Variants in ST18 observed in about 807,000 individuals in gnomAD.
ST18 encodes ST18 C2H2C-type zinc finger transcription factor.
A neutral mutation model predicts 110.0 loss-of-function variants in ST18; 50 were observed. The ratio of observed to expected loss-of-function variants is 0.45; its 90% CI spans 0.36 to 0.58. The LOEUF (loss-of-function observed/expected upper bound fraction) is 0.58. Ranked by LOEUF, ST18 falls within the 20% of genes least tolerant of loss-of-function variation. The pLI is 0.00. For synonymous variants in ST18, 461 were observed against 452.4 expected (o/e 1.02, Z -0.24); for missense variants, 1,306 against 1,280.1 (o/e 1.02, Z -0.31).
At chr8:52,298,007 C>T (rs1490075700) in intron 2 of ST18, among the ~76,000 whole-genome samples, 1 of 152,220 alleles carries the variant, frequency 6.6e-6, no homozygotes, top group Non-Finnish European at 1.5e-5. Context: ...CTCATTCTTG[C>T]ACCCTTTGGG....
chr8:52,363,656 C>T lies in ST18; in HGVS notation c.-465+45672G>A, dbSNP rs371347275. On this transcript the variant is annotated intron_variant, in intron 2 of 25. Coordinates refer to ENST00000689386, the MANE Select transcript of ST18 (RefSeq NM_001352837.2). ...ATTAAGCATGTTACATGTGCTAGGCCTAAGCAAGATAAGGAGCCCAACTAA... is the reference window on the plus strand; with the variant it reads ...ATTAAGCATGTTACATGTGCTAGGCTTAAGCAAGATAAGGAGCCCAACTAA... Among the ~76,000 whole-genome samples, 30 of 152,224 alleles carry T rather than the reference C, an allele frequency of 2.0e-4. No homozygotes were observed. The South Asian group carries it at 3.5e-3, about 18-fold the overall frequency.
At chr8:52,140,072 TA>T (rs927267779) in intron 17 of ST18, among the ~76,000 whole-genome samples, 7 of 152,228 alleles carry the variant, frequency 4.6e-5, no homozygotes, top group Non-Finnish European at 1.0e-4. Context: ...AGTCCTAATC[TA>T]GACAAAGTTT....
chr8:52,142,793 C>T lies in ST18; in HGVS notation c.2168+137G>A, dbSNP rs7006725. 1,358 of 620,436 alleles carry T rather than the reference C, an allele frequency of 2.2e-3. 26 individuals are homozygous for T. In the African/African-American group the frequency reaches 0.022, roughly 10 times the overall value. 38.4% of individuals were successfully genotyped at this position (620,436 alleles called of 1,614,324 possible). A position where few individuals can be genotyped will look rare whatever the true frequency, so the allele number is the denominator to read the frequency against. ...ACACCCTCTTAGCTCAGGTTAGATG[C>T]GTGTTTAACGTTTAACTGCTGACTG... is the stretch of plus-strand genomic sequence containing the variant. On this transcript the variant is annotated intron_variant, in intron 17 of 25. Transcript: ENST00000689386.
chr8:52,115,042 C>T (rs1369133877), intron 25 of ST18, among the ~76,000 whole-genome samples: 1 of 152,112 alleles, frequency 6.6e-6, no homozygotes, highest in Non-Finnish European at 1.5e-5. Context: ...TTAATCCTTA[C>T]CATAGTGGTA....
chr8:52,214,912 G>A (rs530930191), intron 6 of ST18, among the ~76,000 whole-genome samples: 3 of 152,264 alleles, frequency 2.0e-5, no homozygotes, highest in Admixed American at 1.3e-4. Flanking sequence ...TATTTTAAAT[G>A]TCATCAAATC....
Position 52,381,975 on chromosome 8 carries a change from A to AAAC in ST18, c.-465+27352_-465+27353insGTT, listed in dbSNP as rs1186524920. 9.6e-4 allele frequency among the ~76,000 whole-genome samples: 15 copies of AAAC among 15,592 alleles called. No individual in the cohort carries two copies. The East Asian group carries it at 0.044, about 46-fold the overall frequency. The allele number at this position is 15,592 out of a possible 152,430, so 10.2% of individuals were successfully genotyped here. On this transcript the variant is annotated intron_variant, in intron 2 of 25. Transcript: ENST00000689386. ...AGAGCTATATGCTGCATTAAAAAAC[A>AAAC]AAAAAAAACAAAAAAACAAAGTTAC...
At chr8:52,321,516 T>A (rs1589887184) in intron 2 of ST18, among the ~76,000 whole-genome samples, 1 of 152,290 alleles carries the variant, frequency 6.6e-6, no homozygotes, top group African/African-American at 2.4e-5. Context: ...ACTGACACAA[T>A]GTTTTTGTTA....
At chr8:52,392,906 G>C (rs1003811396) in intron 2 of ST18, among the ~76,000 whole-genome samples, 2 of 152,182 alleles carry the variant, frequency 1.3e-5, no homozygotes, top group Admixed American at 1.3e-4. Flanking sequence ...ATTGGTTGTG[G>C]GAGGGGACCA....
At chr8:52,382,298 G>A (rs1473176534) in intron 2 of ST18, among the ~76,000 whole-genome samples, 1 of 152,218 alleles carries the variant, frequency 6.6e-6, no homozygotes, top group African/African-American at 2.4e-5. Flanking sequence ...TTGGATGGCA[G>A]AGGGCAGCCT....
chr8:52,317,961 T>A (rs1191642827), intron 2 of ST18, among the ~76,000 whole-genome samples: 1 of 152,192 alleles, frequency 6.6e-6, no homozygotes, highest in African/African-American at 2.4e-5. Flanking sequence ...ATTCAGAACA[T>A]AGGCACAGGC....
rs73587538 is a variant in ST18 at position 52,166,904 on chromosome 8, C to T, written c.1152G>A (p.Pro384=). 19 of 1,609,306 alleles carry T rather than the reference C, an allele frequency of 1.2e-5. No homozygotes were observed. Among genetic ancestry groups the T allele is most frequent in the Middle Eastern group, 1.7e-4 (1 of 6,048 alleles). Residue 384 remains proline, a synonymous_variant, in exon 11 of 26, where the codon CCG becomes CCA. Transcript: ENST00000689386. ...GGCACCCCGAAAGGCTGCGGTGGTG[C>T]GGGTAGAGCCCTGTCACGTGTCCCG... ...DGTGHVTGLY[P]HHRSLSGCPH... is the part of the protein sequence containing the mutation.
At chr8:52,247,619 G>C (rs926227367) in intron 2 of ST18, among the ~76,000 whole-genome samples, 3 of 152,134 alleles carry the variant, frequency 2.0e-5, no homozygotes, top group African/African-American at 7.2e-5. Flanking sequence ...AAAATAAATT[G>C]TAATACATGA....
intron 2 of ST18, among the ~76,000 whole-genome samples, chr8:52,264,636 C>T (rs746733785): frequency 6.6e-6 from 1 of 152,132 alleles, no homozygotes; most frequent in Non-Finnish European, 1.5e-5. Context: ...AGAATTCTGT[C>T]CTTGTGAACA....
chr8:52,171,728 C>G (rs2065033707), intron 10 of ST18, 64 bp downstream of exon 10: 1 of 1,551,284 alleles, frequency 6.4e-7, no homozygotes, highest in African/African-American at 1.4e-5. Flanking sequence ...ATAATCAAAT[C>G]TGACTTTTTT....
rs564242618 is a variant in ST18, at chr8:52,143,030, A to T, written c.2068T>A (p.Ser690Thr). The change falls in exon 17 of 26, where the codon TCT (serine) becomes ACT (threonine). Residue 690 changes from serine to threonine, a missense_variant. Transcript: ENST00000689386. ...TTTTTTTCCTCTAAATTTTCTAGAG[A>T]GCTCACTGGGTCTTTCTGGAAAACA... ...EEEKEKDPVSSLENLEEKKFP... is the reference protein window; with the variant it reads ...EEEKEKDPVSTLENLEEKKFP... The T allele has an allele frequency of 2.2e-5, 35 of 1,610,668 alleles. No individual in the cohort carries two copies. In the East Asian group the frequency reaches 7.1e-4, roughly 33 times the overall value.
At position 52,378,199 on chromosome 8, in the gene ST18, T is replaced by C. The variant is rs367850605; in HGVS notation, c.-465+31129A>G. On this transcript the variant is annotated intron_variant, in intron 2 of 25. Transcript: ENST00000689386. Reference sequence around the variant, plus strand: ...GTATTTAGTAGCAAAGTAGGGTGACTAGAGTCAACAATAGTTTATCATATA... The same window carrying C: ...GTATTTAGTAGCAAAGTAGGGTGACCAGAGTCAACAATAGTTTATCATATA... Among the ~76,000 whole-genome samples, 7 of 152,106 alleles carry C rather than the reference T, an allele frequency of 4.6e-5. No individual in the cohort carries two copies. The East Asian group carries it at 1.3e-3, about 29-fold the overall frequency.
At chr8:52,192,505 C>G (rs998889078) in intron 8 of ST18, among the ~76,000 whole-genome samples, 5 of 152,130 alleles carry the variant, frequency 3.3e-5, no homozygotes, top group African/African-American at 9.6e-5. Context: ...CCACAGAGCC[C>G]AGAAATTGCT....
rs2043365416 is a variant in ST18 at position 52,118,458 on chromosome 8, T to C, written c.2756-17A>G. On this transcript the variant is annotated splice_polypyrimidine_tract_variant and intron_variant, in intron 23 of 25. Coordinates refer to ENST00000689386, the MANE Select transcript of ST18 (RefSeq NM_001352837.2). ...TCTCTATTCCTGTAAAGAGTAAGAC[T>C]ACCTTAGTTCAAACTGAAAACTGTT... 6.1e-6 allele frequency: 9 copies of C among 1,479,818 alleles called. No homozygotes were observed. The highest frequency in any genetic ancestry group is 1.2e-5 in the South Asian group (1 of 81,470). 91.7% of individuals were successfully genotyped at this position (1,479,818 alleles called of 1,614,324 possible).
chr8:52,166,949 C>A lies in ST18; in HGVS notation c.1107G>T (p.Pro369=), dbSNP rs139354986. The change falls in exon 11 of 26, where the codon CCG becomes CCT. Residue 369 remains proline (P), a synonymous_variant. Coordinates refer to ENST00000689386, the MANE Select transcript of ST18 (RefSeq NM_001352837.2). The stretch of plus-strand genomic sequence containing the variant: ...GTCCCGTGCCATCACATCCAGGGAT[C>A]GGGCACTTGGTCTCCCTCTTTTCAG... ...PRPEKRETKC[P]IPGCDGTGHV... is the part of the protein sequence containing the mutation. 107 of 1,611,866 alleles carry A rather than the reference C, an allele frequency of 6.6e-5. No individual in the cohort carries two copies. The highest frequency in any genetic ancestry group is 9.0e-5 in the Non-Finnish European group (106 of 1,178,412).
Sources: allele counts gnomAD v4.1 joint callset (sites outside exome capture counted in the v4.1 genomes callset), GRCh38; gene constraint gnomAD v4.1.1; transcripts MANE v1.5; gene names NCBI Gene and HGNC (gene_info 2026-07-23, HGNC 2026-07-21).